Variants in PAK3 observed in about 807,000 individuals in gnomAD.
PAK3 encodes the protein serine/threonine-protein kinase PAK 3.
PAK3 carries 4 observed loss-of-function variants against 41.0 expected under a neutral mutation model. The observed-to-expected ratio is 0.10, with a 90% CI of 0.05 to 0.22. PAK3 has a LOEUF of 0.22. Among genes scored for constraint, PAK3 ranks in the 10% least tolerant of loss-of-function variants. The pLI is 1.00. For missense variants in PAK3, 205 were observed against 409.9 expected, an observed-to-expected ratio of 0.50 and a Z score of 4.32; for synonymous variants, 146 against 139.6, an observed-to-expected ratio of 1.05 and a Z score of -0.32.
At chrX:111,136,067 AG>A (rs1204658995) in intron 5 of PAK3, among the ~76,000 whole-genome samples, 2 of 110,849 alleles carry the variant, frequency 1.8e-5, no homozygotes, top group Non-Finnish European at 3.8e-5. Context: ...ATAAATTCAT[AG>A]GGGCGGGAGA....
chrX:111,028,427 C>T (rs999305572), intron 1 of PAK3, among the ~76,000 whole-genome samples: 1 of 110,499 alleles, frequency 9.0e-6, no homozygotes, highest in Non-Finnish European at 1.9e-5. Flanking sequence ...GTATTTATTG[C>T]CACAGATTTG....
At chrX:110,958,006 C>T (rs760731038) in intron 1 of PAK3, among the ~76,000 whole-genome samples, 1 of 111,697 alleles carries the variant, frequency 9.0e-6, no homozygotes, top group Non-Finnish European at 1.9e-5. Context: ...GTAGGAGAGA[C>T]AATAGCAGGG....
chrX:111,015,779 C>T (rs1201967974), intron 1 of PAK3, among the ~76,000 whole-genome samples: 1 of 111,949 alleles, frequency 8.9e-6, no homozygotes, highest in Non-Finnish European at 1.9e-5. Flanking sequence ...ATCCTTCCAC[C>T]ATTTTTAAAT....
chrX:110,951,489 G>T (rs2090743821), intron 1 of PAK3, among the ~76,000 whole-genome samples: 1 of 111,810 alleles, frequency 8.9e-6, no homozygotes, highest in African/African-American at 3.3e-5. Context: ...TTGCCAAATT[G>T]CTTTCTAAAA....
chrX:111,172,941 A>G (rs1217913336), intron 10 of PAK3, 77 bp from the exon 11 acceptor site: 1 of 597,353 alleles, frequency 1.7e-6, no homozygotes, highest in African/African-American at 2.3e-5. Context: ...AAAAACAGTC[A>G]ATCAATTTCT....
At chrX:111,064,127 A>G (rs2148813571) in intron 1 of PAK3, among the ~76,000 whole-genome samples, 1 of 111,650 alleles carries the variant, frequency 9.0e-6, no homozygotes, top group South Asian at 3.8e-4. Context: ...TAAAGGAGAA[A>G]CTAGGTGTTA....
intron 1 of PAK3, among the ~76,000 whole-genome samples, chrX:111,019,708 G>A (rs374154911): frequency 0.013 from 216 of 17,047 alleles, 14 homozygotes; most frequent in Middle Eastern, 0.04. Flanking sequence ...AAAAAAGAAA[G>A]AAAGAAAAGA....
intron 4 of PAK3, among the ~76,000 whole-genome samples, chrX:111,119,073 G>T (rs767212479): frequency 7.2e-5 from 8 of 111,219 alleles, no homozygotes; most frequent in Non-Finnish European, 1.1e-4. Context: ...TGTGTGGGGA[G>T]TGGGGAGAAA....
At chrX:111,061,608 A>G (rs2092656152) in intron 1 of PAK3, among the ~76,000 whole-genome samples, 1 of 111,883 alleles carries the variant, frequency 8.9e-6, no homozygotes. Flanking sequence ...TCTTCCATCC[A>G]TAAACAGGCC....
chrX:111,047,931 TTTTGGCTGCA>T (rs748020602), intron 1 of PAK3, among the ~76,000 whole-genome samples: 71 of 111,903 alleles, frequency 6.3e-4, no homozygotes, highest in Non-Finnish European at 1.3e-3. Context: ...TGAAAATCTT[TTTTGGCTGCA>T]TACTCTCTTT....
At chrX:111,004,973 G>T (rs2091900492) in intron 1 of PAK3, among the ~76,000 whole-genome samples, 1 of 112,286 alleles carries the variant, frequency 8.9e-6, no homozygotes. Context: ...TTGACTAACT[G>T]CAAAGATGCA....
At chrX:110,981,974 C>T (rs756944526) in intron 1 of PAK3, among the ~76,000 whole-genome samples, 1 of 110,259 alleles carries the variant, frequency 9.1e-6, no homozygotes, top group African/African-American at 3.3e-5. Flanking sequence ...AAGTTGGGAG[C>T]CTAGAAATTG....
At chrX:111,065,268 G>A (rs960210936) in intron 1 of PAK3, among the ~76,000 whole-genome samples, 3 of 109,816 alleles carry the variant, frequency 2.7e-5, no homozygotes, top group Admixed American at 9.7e-5. Flanking sequence ...ATCATGAAGG[G>A]ATGTTGGATT....
intron 1 of PAK3, among the ~76,000 whole-genome samples, chrX:110,953,425 C>T (rs940145954): frequency 8.9e-6 from 1 of 112,269 alleles, no homozygotes; most frequent in Non-Finnish European, 1.9e-5. Context: ...AAGGCATTCT[C>T]CTCTCCAAAG....
rs2092442584 is a variant in PAK3 at position 111,040,463 on chromosome X, C to T, written c.-27-82614C>T. ...CATTTTATATACTTTTCAATGCATA[C>T]TATATTTCCTAATAAAACCACTATT... On this transcript the variant is annotated intron_variant, in intron 1 of 14. Coordinates refer to the PAK3 transcript ENST00000425146. Among the ~76,000 whole-genome samples the T allele has an allele frequency of 3.6e-5, 4 of 111,584 alleles. No individual in the cohort carries two copies. In the South Asian group the frequency reaches 1.5e-3, roughly 42 times the overall value.
At chrX:111,036,240 C>A (rs2092398193) in intron 1 of PAK3, among the ~76,000 whole-genome samples, 1 of 112,458 alleles carries the variant, frequency 8.9e-6, no homozygotes, top group Non-Finnish European at 1.9e-5. Flanking sequence ...GCCCCAACAA[C>A]AGCTGTTTCC....
rs757728257 is a variant in PAK3, at chrX:111,104,322, A to T, written c.-28+1016A>T. Among the ~76,000 whole-genome samples the T allele has an allele frequency of 5.3e-5, 5 of 93,504 alleles. No homozygotes were observed. The East Asian group carries it at 1.3e-3, about 25-fold the overall frequency. 81.2% of individuals were successfully genotyped at this position (93,504 alleles called of 115,157 possible). On this transcript the variant is annotated intron_variant, in intron 4 of 17. Coordinates refer to ENST00000372007, the MANE Select transcript of PAK3 (RefSeq NM_002578.5). Reference sequence around the variant, plus strand: ...AAATCAAAAAACAACCAACAAAATTAAAAAAAAAAAACAGAAAAACTAAAC... The same window carrying T: ...AAATCAAAAAACAACCAACAAAATTTAAAAAAAAAAACAGAAAAACTAAAC...
intron 4 of PAK3, among the ~76,000 whole-genome samples, chrX:111,110,596 T>C (rs2093352947): frequency 1.8e-5 from 2 of 111,508 alleles, no homozygotes; most frequent in South Asian, 7.9e-4. Flanking sequence ...AAGCAGTACC[T>C]TTCCAAACAT....
At chrX:111,033,584 T>G (rs2092362837) in intron 1 of PAK3, among the ~76,000 whole-genome samples, 1 of 112,116 alleles carries the variant, frequency 8.9e-6, no homozygotes, top group Admixed American at 9.5e-5. Flanking sequence ...CATTTGGGAA[T>G]GCAGCTCCCT....
Sources: gnomAD v4.1 joint callset for allele counts (sites outside exome capture counted in the v4.1 genomes callset) on GRCh38, gnomAD v4.1.1 for gene constraint, MANE v1.5 for transcripts, NCBI Gene and HGNC (gene_info 2026-07-23, HGNC 2026-07-21) for gene names.